PCDHA8: variants seen among roughly 807,000 people sequenced by gnomAD.
PCDHA8 encodes the protein protocadherin alpha 8, also known as protocadherin alpha-8.
In PCDHA8, 53 loss-of-function variants were observed where a neutral mutation model predicts 61.8. The observed-to-expected ratio is 0.86, with a 90% CI of 0.69 to 1.08. The LOEUF (loss-of-function observed/expected upper bound fraction) is 1.08, where lower values mean the gene tolerates loss of function less well. Among genes scored for constraint, PCDHA8 ranks in the 50% least tolerant of loss-of-function variants. PCDHA8 has a pLI of 0.00. For synonymous variants in PCDHA8, 618 were observed against 556.6 expected (o/e 1.11, Z -1.55); for missense variants, 1,293 against 1,245.0 (o/e 1.04, Z -0.58).
rs2096830970 is a variant in PCDHA8, at chr5:140,978,991, A to C, written c.2437A>C (p.Arg813=). Residue 813 remains arginine, a synonymous_variant, in exon 2 of 4, where the codon AGA becomes CGA. Coordinates refer to ENST00000531613, the MANE Select transcript of PCDHA8 (RefSeq NM_018911.3). ...TGACTGGCGTTACTCTGCCTCCCTG[A>C]GAGCAGGCATGCACAGGTATGTATT... ...NPDWRYSASL[R]AGMHSSVHLE... is the part of the protein sequence containing the mutation. 1.2e-6 allele frequency: 2 copies of C among 1,614,188 alleles called. No individual in the cohort carries two copies. Among genetic ancestry groups the C allele is most frequent in the East Asian group, 2.2e-5 (1 of 44,882 alleles).
At chr5:141,002,583 C>T (rs781898349) in intron 3 of PCDHA8, among the ~76,000 whole-genome samples, 6 of 152,176 alleles carry the variant, frequency 3.9e-5, no homozygotes, top group Non-Finnish European at 7.3e-5. Context: ...GACCATTAGT[C>T]CTTAGTCCCC....
chr5:140,870,358 G>A (rs201159213), intron 1 of PCDHA8: 4 of 1,614,098 alleles, frequency 2.5e-6, no homozygotes, highest in Non-Finnish European at 3.4e-6. Context: ...GAACGTGTGG[G>A]CCTATGAACT....
intron 1 of PCDHA8, chr5:140,876,328 C>T: frequency 6.2e-7 from 1 of 1,613,940 alleles, no homozygotes; most frequent in Non-Finnish European, 8.5e-7. Context: ...AATGATTTTG[C>T]CAGTGAGTGA....
chr5:140,849,276 G>T, intron 1 of PCDHA8: 1 of 1,173,354 alleles, frequency 8.5e-7, no homozygotes, highest in Non-Finnish European at 1.2e-6. Flanking sequence ...CGGAACGCTG[G>T]TGATTCACCC....
At chr5:140,873,162 G>A (rs782467879) in intron 1 of PCDHA8, among the ~76,000 whole-genome samples, 21 of 152,108 alleles carry the variant, frequency 1.4e-4, no homozygotes, top group Non-Finnish European at 2.2e-4. Flanking sequence ...ACTTTAGATC[G>A]AGAGCTTTTG....
At chr5:140,848,601 CCG>C (rs2040496179) in intron 1 of PCDHA8, 1 of 1,593,502 alleles carries the variant, frequency 6.3e-7, no homozygotes, top group Non-Finnish European at 8.6e-7. Flanking sequence ...CTACTCCGTC[CCG>C]GAGGAAGCCG....
At chr5:140,967,695 T>G in intron 1 of PCDHA8, 1 of 1,614,184 alleles carries the variant, frequency 6.2e-7, no homozygotes, top group Non-Finnish European at 8.5e-7. Flanking sequence ...CTCTTCAGCA[T>G]AGATGCCAGT....
chr5:140,934,000 A>G (rs2089557025), intron 1 of PCDHA8, among the ~76,000 whole-genome samples: 1 of 151,350 alleles, frequency 6.6e-6, no homozygotes, highest in Non-Finnish European at 1.5e-5. Context: ...GTCACCTCTC[A>G]TTTTTCTTGA....
intron 1 of PCDHA8, among the ~76,000 whole-genome samples, chr5:140,887,688 G>GA (rs1453843716): frequency 4.2e-4 from 64 of 151,926 alleles, no homozygotes; most frequent in Middle Eastern, 3.2e-3. Context: ...TCAAATTCAG[G>GA]AAAAAATCAA....
chr5:140,856,484 C>T lies in PCDHA8; in HGVS notation c.2394+12769C>T. 3 of 1,598,366 alleles carry T rather than the reference C, an allele frequency of 1.9e-6. 1 individual carries two copies. The highest frequency in any genetic ancestry group is 2.7e-5 in the African/African-American group (2 of 74,376). The stretch of plus-strand genomic sequence containing the variant: ...AAAGCTCTCAATACCTGAATCCAGA[C>T]TGCTTGACTCTCGATTTCCACTAGA... On this transcript the variant is annotated intron_variant, in intron 1 of 3. Coordinates refer to ENST00000531613, the MANE Select transcript of PCDHA8 (RefSeq NM_018911.3).
intron 1 of PCDHA8, among the ~76,000 whole-genome samples, chr5:140,894,564 T>C (rs1554186142): frequency 6.6e-6 from 1 of 151,978 alleles, no homozygotes; most frequent in Non-Finnish European, 1.5e-5. Context: ...GAAAAAATTA[T>C]TTTCCTTTTT....
chr5:140,858,039 T>C lies in PCDHA8; in HGVS notation c.2394+14324T>C, dbSNP rs782597618. On this transcript the variant is annotated intron_variant, in intron 1 of 3. Transcript: ENST00000531613. ...CCGTCGCTGACGGCCACGGCCACTG[T>C]GCTTGTGTCGCTTGTGGAGGGCAGC... 1.1e-5 allele frequency: 18 copies of C among 1,596,560 alleles called. 2 individuals are homozygous for C. The highest frequency in any genetic ancestry group is 5.5e-5 in the South Asian group (5 of 90,506).
intron 1 of PCDHA8, chr5:140,969,215 C>A (rs782320507): frequency 6.2e-7 from 1 of 1,614,010 alleles, no homozygotes; most frequent in Admixed American, 1.7e-5. Context: ...CCAGACAGGA[C>A]CAGGGCCTTC....
At chr5:141,002,020 T>A (rs1380012353) in intron 3 of PCDHA8, among the ~76,000 whole-genome samples, 4 of 152,166 alleles carry the variant, frequency 2.6e-5, no homozygotes, top group Admixed American at 6.5e-5. Flanking sequence ...TGCACAGCCT[T>A]CGGTGCCCTG....
At chr5:140,982,213 A>G in intron 2 of PCDHA8, 2 of 482,032 alleles carry the variant, frequency 4.1e-6, no homozygotes, top group South Asian at 8.1e-5. Context: ...TGAGCGCCAC[A>G]TGGCGTTAAT....
chr5:140,940,770 T>A (rs560965178), intron 1 of PCDHA8, among the ~76,000 whole-genome samples: 5 of 152,270 alleles, frequency 3.3e-5, no homozygotes, highest in Non-Finnish European at 7.3e-5. Context: ...ATTTGACTTT[T>A]GATGGTCCAT....
In PCDHA8 at chr5:141,010,735, T is replaced by G. The variant is rs192374006; in HGVS notation, c.*798T>G. On this transcript the variant is annotated 3_prime_UTR_variant, in exon 4 of 4. Coordinates refer to ENST00000531613, the MANE Select transcript of PCDHA8 (RefSeq NM_018911.3). ...GTGCTCACTTTATTAAAAATTCTTT[T>G]GCACACAATGTTTATGAAAAGGCCA... The G allele has an allele frequency of 6.5e-6, 1 of 154,174 alleles. No individual in the cohort carries two copies. The highest frequency in any genetic ancestry group is 1.5e-5 in the Non-Finnish European group (1 of 68,224). 9.6% of individuals were successfully genotyped at this position (154,174 alleles called of 1,614,324 possible). A position where few individuals can be genotyped will look rare whatever the true frequency, so the allele number is the denominator to read the frequency against.
In PCDHA8 at chr5:140,882,314, C is replaced by G. The variant is rs370330527; in HGVS notation, c.2394+38599C>G. 9 of 1,614,000 alleles carry G rather than the reference C, an allele frequency of 5.6e-6. No individual in the cohort carries two copies. The Admixed American group carries it at 6.7e-5, about 12-fold the overall frequency. On this transcript the variant is annotated intron_variant, in intron 1 of 3. Transcript: ENST00000531613. ...AGGCCCAAGACCGCGGCAACTACTGCTCTGGCTTCTGATCCTCGCAGCCTG... is the reference window on the plus strand; with the variant it reads ...AGGCCCAAGACCGCGGCAACTACTGGTCTGGCTTCTGATCCTCGCAGCCTG...
At chr5:140,983,517 G>A (rs1475712929) in intron 3 of PCDHA8, among the ~76,000 whole-genome samples, 2 of 152,196 alleles carry the variant, frequency 1.3e-5, no homozygotes, top group African/African-American at 4.8e-5. Flanking sequence ...TAGACACTGT[G>A]CCAAGTACAT....
Sources: allele counts gnomAD v4.1 joint callset (sites outside exome capture counted in the v4.1 genomes callset), GRCh38; gene constraint gnomAD v4.1.1; transcripts MANE v1.5; gene names NCBI Gene and HGNC (gene_info 2026-07-23, HGNC 2026-07-21).